Variants in PPP1R9A observed in about 807,000 individuals in gnomAD.
The protein encoded by PPP1R9A is neurabin-1.
Under a neutral mutation model 141.9 loss-of-function variants are expected in PPP1R9A, and 59 were observed. The ratio of observed to expected loss-of-function variants is 0.42; its 90% confidence interval spans 0.34 to 0.52. The LOEUF (loss-of-function observed/expected upper bound fraction) is 0.52, where lower values mean the gene tolerates loss of function less well. PPP1R9A is among the 20% of genes least tolerant of loss of function. PPP1R9A has a pLI of 0.10. For missense variants in PPP1R9A, 1,444 were observed against 1,611.9 expected (o/e 0.90, Z 1.78); for synonymous variants, 500 against 569.7 (o/e 0.88, Z 1.74).
chr7:95,251,632 TA>T, intron 10 of PPP1R9A, 129 bp from the exon 11 acceptor site: 1 of 819,832 alleles, frequency 1.2e-6, no homozygotes, highest in Non-Finnish European at 1.8e-6. Flanking sequence ...CTTTTTCCTC[TA>T]ACTGATTGAA....
intron 2 of PPP1R9A, among the ~76,000 whole-genome samples, chr7:95,047,944 C>G (rs987132990): frequency 1.3e-5 from 2 of 152,096 alleles, no homozygotes; most frequent in Non-Finnish European, 2.9e-5. Flanking sequence ...TTTCCTTAGA[C>G]AGAATTCAGT....
intron 2 of PPP1R9A, among the ~76,000 whole-genome samples, chr7:95,035,234 A>G (rs1808276001): frequency 2.6e-5 from 4 of 152,218 alleles, no homozygotes; most frequent in Admixed American, 2.6e-4. Context: ...CTGAGCTTCA[A>G]TTAATGATTC....
intron 2 of PPP1R9A, among the ~76,000 whole-genome samples, chr7:95,006,167 A>T (rs1362966597): frequency 6.6e-6 from 1 of 151,808 alleles, no homozygotes; most frequent in Admixed American, 6.6e-5. Context: ...TTTCATAAGG[A>T]TTAAAATAAA....
chr7:95,276,282 T>C (rs924007288), intron 16 of PPP1R9A, among the ~76,000 whole-genome samples: 1 of 152,166 alleles, frequency 6.6e-6, no homozygotes, highest in East Asian at 1.9e-4. Flanking sequence ...TTTGCCATAG[T>C]AGCCAGAGAT....
intron 2 of PPP1R9A, among the ~76,000 whole-genome samples, chr7:94,917,298 C>T (rs1001865719): frequency 2.6e-5 from 4 of 152,066 alleles, no homozygotes; most frequent in Admixed American, 2.6e-4. Flanking sequence ...TTAAACTGAA[C>T]AGTGATCATT....
chr7:95,158,355 C>T (rs749240021), intron 4 of PPP1R9A, among the ~76,000 whole-genome samples: 17 of 152,050 alleles, frequency 1.1e-4, no homozygotes, highest in Non-Finnish European at 2.2e-4. Flanking sequence ...AATGTTAATG[C>T]ATTTTGAAGA....
intron 3 of PPP1R9A, among the ~76,000 whole-genome samples, chr7:95,114,104 G>A (rs1821048539): frequency 6.6e-6 from 1 of 152,060 alleles, no homozygotes; most frequent in Admixed American, 6.6e-5. Context: ...AAAAAAACAA[G>A]ACCAATCCAA....
intron 2 of PPP1R9A, among the ~76,000 whole-genome samples, chr7:94,979,602 T>G (rs930274644): frequency 6.6e-5 from 10 of 152,242 alleles, no homozygotes; most frequent in Admixed American, 5.2e-4. Flanking sequence ...TTGTAATCTG[T>G]TATTATCAAG....
chr7:95,047,775 G>A (rs1280659158), intron 2 of PPP1R9A, among the ~76,000 whole-genome samples: 1 of 152,042 alleles, frequency 6.6e-6, no homozygotes, highest in South Asian at 2.1e-4. Context: ...GATGTAAAGG[G>A]GACACATTCT....
intron 2 of PPP1R9A, among the ~76,000 whole-genome samples, chr7:94,953,636 G>A (rs1339946206): frequency 1.3e-5 from 2 of 151,966 alleles, no homozygotes; most frequent in African/African-American, 4.8e-5. Context: ...TTATTTCCTT[G>A]AGCAGTGGTT....
At chr7:95,181,652 CCGT>C (rs1337887805) in intron 5 of PPP1R9A, among the ~76,000 whole-genome samples, 58 of 131,106 alleles carry the variant, frequency 4.4e-4, no homozygotes, top group Non-Finnish European at 6.6e-4. Flanking sequence ...TATATATATT[CCGT>C]CACATATATA....
At chr7:95,178,104 C>T (rs1346073014) in intron 5 of PPP1R9A, among the ~76,000 whole-genome samples, 5 of 152,108 alleles carry the variant, frequency 3.3e-5, no homozygotes, top group Non-Finnish European at 7.4e-5. Flanking sequence ...GTGCATGGAA[C>T]TTTCTCCAAG....
At chr7:95,010,480 A>T (rs1174862078) in intron 2 of PPP1R9A, among the ~76,000 whole-genome samples, 5 of 152,128 alleles carry the variant, frequency 3.3e-5, no homozygotes, top group Non-Finnish European at 7.3e-5. Context: ...TTTCTTTACA[A>T]GTTTGATAAT....
intron 9 of PPP1R9A, among the ~76,000 whole-genome samples, chr7:95,249,541 T>G (rs1798587647): frequency 6.6e-6 from 1 of 152,124 alleles, no homozygotes; most frequent in South Asian, 2.1e-4. Flanking sequence ...GAACTGGGAT[T>G]CAAATCCATG....
intron 8 of PPP1R9A, among the ~76,000 whole-genome samples, chr7:95,226,596 A>C (rs1180944938): frequency 1.3e-5 from 2 of 152,198 alleles, no homozygotes; most frequent in African/African-American, 4.8e-5. Context: ...GGTGAAGTGC[A>C]CAGGGACTGG....
chr7:95,250,288 T>TTA, intron 10 of PPP1R9A, 33 bp downstream of exon 10: 1 of 1,546,698 alleles, frequency 6.5e-7, no homozygotes, highest in Non-Finnish European at 8.8e-7. Flanking sequence ...AGAATAGTTA[T>TTA]GTTTGTCTAA....
chr7:95,162,322 A>G (rs962379399), intron 5 of PPP1R9A, among the ~76,000 whole-genome samples: 7 of 152,212 alleles, frequency 4.6e-5, no homozygotes, highest in African/African-American at 1.4e-4. Context: ...TGAAATGATT[A>G]TACATATATT....
intron 5 of PPP1R9A, among the ~76,000 whole-genome samples, chr7:95,176,792 G>A (rs952241808): frequency 7.9e-5 from 12 of 151,996 alleles, no homozygotes; most frequent in Non-Finnish European, 1.5e-4. Context: ...TAAGATCTTC[G>A]AATTAACCCA....
intron 8 of PPP1R9A, among the ~76,000 whole-genome samples, chr7:95,238,351 A>C (rs1007279459): frequency 3.9e-5 from 6 of 152,086 alleles, no homozygotes; most frequent in African/African-American, 1.4e-4. Flanking sequence ...AAAGGATAAT[A>C]AGTTAGTGTC....
Sources: gnomAD v4.1 joint callset for allele counts (sites outside exome capture counted in the v4.1 genomes callset) on GRCh38, gnomAD v4.1.1 for gene constraint, MANE v1.5 for transcripts, NCBI Gene and HGNC (gene_info 2026-07-23, HGNC 2026-07-21) for gene names.